PPIG: variants seen among roughly 807,000 people sequenced by gnomAD.
PPIG encodes the protein peptidylprolyl isomerase G.
Under a neutral mutation model 87.9 loss-of-function variants are expected in PPIG, and 26 were observed. The observed-to-expected ratio is 0.30, with a 90% CI of 0.22 to 0.41. PPIG has a LOEUF of 0.41. PPIG is among the 10% of genes least tolerant of loss of function. The pLI is 1.00. For missense variants in PPIG, 722 were observed against 879.4 expected, an observed-to-expected ratio of 0.82 and a Z score of 2.26; for synonymous variants, 308 against 276.5, an observed-to-expected ratio of 1.11 and a Z score of -1.13.
intron 9 of PPIG, among the ~76,000 whole-genome samples, chr2:169,625,065 C>T (rs1259887862): frequency 6.6e-6 from 1 of 152,124 alleles, no homozygotes; most frequent in Non-Finnish European, 1.5e-5. Flanking sequence ...TTTAACATAG[C>T]TGTCACCTCA....
In PPIG at chr2:169,630,202, TA is replaced by T. The variant is rs549819526; in HGVS notation, c.548-568del. Reference sequence around the variant, plus strand: ...CCTTAACTGAAATAAAATTTCAATTTAAAATGACTTTTTGTAGAGTCCCCAA... The same window carrying T: ...CCTTAACTGAAATAAAATTTCAATTTAAATGACTTTTTGTAGAGTCCCCAA... On this transcript the variant is annotated intron_variant, in intron 9 of 13. Transcript: ENST00000260970. Among the ~76,000 whole-genome samples, 163 of 152,222 alleles carry T rather than the reference TA, an allele frequency of 1.1e-3. 1 individual carries two copies. Among genetic ancestry groups the T allele is most frequent in the Non-Finnish European group, 1.9e-3 (131 of 67,968 alleles).
At position 169,606,081 on chromosome 2, in the gene PPIG, A is replaced by T; in HGVS notation, c.179A>T (p.Tyr60Phe). 1 of 1,613,488 alleles carries T rather than the reference A, an allele frequency of 6.2e-7. No individual in the cohort carries two copies. The highest frequency in any genetic ancestry group is 2.2e-5 in the East Asian group (1 of 44,842). ...AAATCAACTCAGAAACCATTACATT[A>T]TAAGAGTTGTCTCTTTCACAGAGTT... is the stretch of plus-strand genomic sequence containing the variant. ...TGKSTQKPLH[Y>F]KSCLFHRVVK... Residue 60 changes from tyrosine (Y) to phenylalanine (F), a missense_variant, in exon 5 of 14, where the codon TAT (tyrosine) becomes TTT (phenylalanine). This residue lies in a region of PPIG where 99 missense variants were observed against 215.8 expected (regional missense o/e 0.46). Transcript: ENST00000260970.
intron 7 of PPIG, among the ~76,000 whole-genome samples, chr2:169,609,765 T>C (rs1368573937): frequency 5.3e-5 from 8 of 152,162 alleles, no homozygotes; most frequent in Non-Finnish European, 4.4e-5. Flanking sequence ...GTTAGAAAAG[T>C]CACCATTTTG....
intron 7 of PPIG, among the ~76,000 whole-genome samples, chr2:169,609,641 T>C (rs997529555): frequency 5.9e-5 from 9 of 152,204 alleles, no homozygotes; most frequent in African/African-American, 2.2e-4. Flanking sequence ...CAGTTTATGG[T>C]CAAATAGGAA....
intron 4 of PPIG, 44 bp downstream of exon 4, chr2:169,604,305 C>T (rs1316416590): frequency 5.2e-6 from 3 of 572,716 alleles, no homozygotes; most frequent in African/African-American, 2.5e-5. Context: ...TCTCAGTTGA[C>T]TATGGCTTGC....
intron 4 of PPIG, among the ~76,000 whole-genome samples, chr2:169,605,753 C>A (rs902635888): frequency 6.6e-6 from 1 of 152,144 alleles, no homozygotes; most frequent in Non-Finnish European, 1.5e-5. Flanking sequence ...GAGCCAAGAT[C>A]GTGCCACCGC....
chr2:169,615,531 G>A lies in PPIG; in HGVS notation c.547+807G>A, dbSNP rs561292173. Among the ~76,000 whole-genome samples the A allele has an allele frequency of 3.3e-5, 5 of 152,242 alleles. No individual in the cohort carries two copies. The East Asian group carries it at 9.7e-4, about 29-fold the overall frequency. ...TTCTCTGTACTTCTGTGACTTCAAC[G>A]TTTTTAGATTCCACATGTAAGTGAG... is the stretch of plus-strand genomic sequence containing the variant. On this transcript the variant is annotated intron_variant, in intron 9 of 13. Transcript: ENST00000260970.
At chr2:169,621,260 A>C (rs1040455173) in intron 9 of PPIG, among the ~76,000 whole-genome samples, 1 of 151,956 alleles carries the variant, frequency 6.6e-6, no homozygotes, top group Non-Finnish European at 1.5e-5. Flanking sequence ...AACATCCGAG[A>C]TGGGCATGGA....
chr2:169,597,388 G>A (rs10164880), intron 1 of PPIG, among the ~76,000 whole-genome samples: 1,611 of 152,118 alleles, frequency 0.011, 29 homozygotes, highest in African/African-American at 0.037. Context: ...CAAAATCCTC[G>A]GCTGAAAGAG....
At chr2:169,586,136 C>T (rs1228105089) in intron 1 of PPIG, among the ~76,000 whole-genome samples, 1 of 118,112 alleles carries the variant, frequency 8.5e-6, no homozygotes, top group Admixed American at 8.1e-5. Flanking sequence ...GTGTCTTAAA[C>T]AAGAGTTCAT....
At chr2:169,597,851 CTTGCTTGT>C (rs1242085598) in intron 1 of PPIG, among the ~76,000 whole-genome samples, 1 of 93,458 alleles carries the variant, frequency 1.1e-5, no homozygotes, top group Non-Finnish European at 2.1e-5. Context: ...ACTTCTGTAC[CTTGCTTGT>C]TTGTTTGTTT....
chr2:169,627,497 A>T (rs943120399), intron 9 of PPIG, among the ~76,000 whole-genome samples: 1 of 152,158 alleles, frequency 6.6e-6, no homozygotes, highest in Non-Finnish European at 1.5e-5. Flanking sequence ...TACACTTGGT[A>T]AGTGGGCTTG....
chr2:169,600,218 G>A (rs1574441410), intron 1 of PPIG, among the ~76,000 whole-genome samples: 1 of 151,994 alleles, frequency 6.6e-6, no homozygotes, highest in African/African-American at 2.4e-5. Flanking sequence ...GGGGCTACAG[G>A]CATGTGCCAC....
chr2:169,585,058 G>C (rs1262412729), intron 1 of PPIG, among the ~76,000 whole-genome samples: 1 of 152,084 alleles, frequency 6.6e-6, no homozygotes, highest in African/African-American at 2.4e-5. Flanking sequence ...AGTGGCTGTC[G>C]TGCAGTTAAG....
At chr2:169,603,097 T>C (rs996217333) in intron 1 of PPIG, among the ~76,000 whole-genome samples, 2 of 152,282 alleles carry the variant, frequency 1.3e-5, no homozygotes, top group Admixed American at 1.3e-4. Context: ...ATAAAGAGTT[T>C]TGTCTTAGAT....
At chr2:169,586,095 G>A (rs1217036287) in intron 1 of PPIG, among the ~76,000 whole-genome samples, 2 of 152,072 alleles carry the variant, frequency 1.3e-5, no homozygotes, top group African/African-American at 4.8e-5. Flanking sequence ...AGTTGGGACA[G>A]AATTATTTCT....
intron 1 of PPIG, among the ~76,000 whole-genome samples, chr2:169,587,343 G>C (rs1309850130): frequency 6.6e-6 from 1 of 152,000 alleles, no homozygotes; most frequent in Admixed American, 6.6e-5. Flanking sequence ...CCGGGTTCAA[G>C]CAATTCTTCT....
chr2:169,629,746 A>ATG (rs1368226827), intron 9 of PPIG, among the ~76,000 whole-genome samples: 13 of 152,298 alleles, frequency 8.5e-5, no homozygotes, highest in Non-Finnish European at 2.9e-5. Flanking sequence ...GCCTCACAAG[A>ATG]AGTTGTAAAA....
chr2:169,597,921 T>A (rs1685066748), intron 1 of PPIG, among the ~76,000 whole-genome samples: 1 of 152,052 alleles, frequency 6.6e-6, no homozygotes, highest in Non-Finnish European at 1.5e-5. Flanking sequence ...CTCCCTATGT[T>A]TCCCAGCCTG....
Sources: allele counts gnomAD v4.1 joint callset (sites outside exome capture counted in the v4.1 genomes callset), GRCh38; gene constraint gnomAD v4.1.1; regional missense constraint gnomAD v4.1.1; transcripts MANE v1.5; gene names NCBI Gene and HGNC (gene_info 2026-07-23, HGNC 2026-07-21).